SVIL: variants seen among roughly 807,000 people sequenced by gnomAD.
SVIL encodes supervillin, also known as archvillin.
SVIL carries 101 observed loss-of-function variants against 240.4 expected under a neutral mutation model. That is an observed-to-expected ratio of 0.42 (90% CI 0.36 to 0.50). The LOEUF is 0.50. Ranked by LOEUF, SVIL falls within the 20% of genes least tolerant of loss-of-function variation. The pLI is 0.01. For missense variants in SVIL, 2,512 were observed against 2,818.7 expected, an observed-to-expected ratio of 0.89 and a Z score of 2.46; for synonymous variants, 999 against 1,100.0, an observed-to-expected ratio of 0.91 and a Z score of 1.82.
chr10:29,611,045 C>T (rs1957226642), intron 1 of SVIL, among the ~76,000 whole-genome samples: 1 of 152,142 alleles, frequency 6.6e-6, no homozygotes, highest in African/African-American at 2.4e-5. Context: ...ACATGAATCA[C>T]CTTGATTTCT....
chr10:29,695,374 C>T (rs1367818446), intron 1 of SVIL, among the ~76,000 whole-genome samples: 1 of 152,132 alleles, frequency 6.6e-6, no homozygotes, highest in Non-Finnish European at 1.5e-5. Flanking sequence ...ACACTAAGTG[C>T]CCTGACTTCA....
upstream of SVIL, among the ~76,000 whole-genome samples, chr10:29,639,931 T>C (rs1048030592): frequency 3.9e-5 from 6 of 152,188 alleles, no homozygotes; most frequent in African/African-American, 1.4e-4. Context: ...GTCTAACTTA[T>C]GCTGGACTTT....
chr10:29,608,179 G>A (rs1281687499), intron 1 of SVIL, among the ~76,000 whole-genome samples: 1 of 152,150 alleles, frequency 6.6e-6, no homozygotes, highest in African/African-American at 2.4e-5. Flanking sequence ...CCTCACTCAT[G>A]GCCAGGCTGG....
chr10:29,655,974 G>T (rs996535461), intron 3 of SVIL, among the ~76,000 whole-genome samples: 10 of 150,808 alleles, frequency 6.6e-5, no homozygotes, highest in African/African-American at 2.4e-4. Context: ...CTGTTCAGGT[G>T]CTTCTCCTGC....
chr10:29,636,429 C>T (rs1048498256), upstream of SVIL, among the ~76,000 whole-genome samples: 1 of 152,200 alleles, frequency 6.6e-6, no homozygotes, highest in Non-Finnish European at 1.5e-5. Context: ...AAAAGATTCA[C>T]TCCCACAAAA....
At chr10:29,665,897 A>ACTCTCTGC (rs1959245557) in intron 2 of SVIL, among the ~76,000 whole-genome samples, 1 of 151,904 alleles carries the variant, frequency 6.6e-6, no homozygotes, top group Non-Finnish European at 1.5e-5. Flanking sequence ...CACTCTTCAT[A>ACTCTCTGC]CTCTCTGCCT....
In SVIL at chr10:29,524,657, C is replaced by A; in HGVS notation, c.2401G>T (p.Glu801Ter). Residue 801 changes from glutamate (E) to a stop codon, truncating the protein, a stop_gained, in exon 14 of 38, where the codon GAG becomes TAG. Transcript: ENST00000355867. LOFTEE classifies it high-confidence loss of function. ...LAKDQTNEGK[E>*]LAEQGEPDSS... ...TCAGGTTCTCCTTGCTCAGCAAGCT[C>A]TTTGCCCTCATTTGTCTGGTCCTTG... The A allele has an allele frequency of 6.2e-7, 1 of 1,614,194 alleles. No homozygotes were observed. Among genetic ancestry groups the A allele is most frequent in the Non-Finnish European group, 8.5e-7 (1 of 1,180,030 alleles).
In SVIL at chr10:29,499,242, T is replaced by C; in HGVS notation, c.3538A>G (p.Ser1180Gly). 1 of 1,614,168 alleles carries C rather than the reference T, an allele frequency of 6.2e-7. No individual in the cohort carries two copies. The highest frequency in any genetic ancestry group is 8.5e-7 in the Non-Finnish European group (1 of 1,180,022). ...TTCCTCTCCTCAATCGTCATTTGGC[T>C]CTCTCGACTTTCTGTGACCCGCTGT... ...IKKRVTESRESQMTIEERKQL... is the reference protein window; with the variant it reads ...IKKRVTESREGQMTIEERKQL... Residue 1180 changes from serine (S) to glycine (G), a missense_variant, in exon 18 of 38, where the codon AGC becomes GGC. Transcript: ENST00000355867.
At chr10:29,699,483 T>A (rs1274873069) in intron 1 of SVIL, among the ~76,000 whole-genome samples, 1 of 152,080 alleles carries the variant, frequency 6.6e-6, no homozygotes, top group Non-Finnish European at 1.5e-5. Flanking sequence ...TTGTATTTTT[T>A]AGTAGAGATG....
intron 1 of SVIL, among the ~76,000 whole-genome samples, chr10:29,622,763 G>A (rs548873916): frequency 9.8e-5 from 15 of 152,308 alleles, no homozygotes; most frequent in African/African-American, 2.6e-4. Context: ...CAAAGGACAC[G>A]TTGTCAACAG....
At chr10:29,487,500 G>A in intron 23 of SVIL, 2 of 599,982 alleles carry the variant, frequency 3.3e-6, no homozygotes, top group Non-Finnish European at 5.7e-6. Context: ...CCTGGTTTGT[G>A]CTTTCCCAAA....
chr10:29,596,992 G>T (rs572614597), intron 1 of SVIL, among the ~76,000 whole-genome samples: 135 of 152,268 alleles, frequency 8.9e-4, no homozygotes, highest in Non-Finnish European at 1.4e-3. Context: ...GCAGGAGAGG[G>T]CTCTCCCGCC....
At chr10:29,546,616 T>C (rs974233613) in intron 6 of SVIL, among the ~76,000 whole-genome samples, 1 of 152,216 alleles carries the variant, frequency 6.6e-6, no homozygotes, top group Non-Finnish European at 1.5e-5. Context: ...TAATGATTAT[T>C]CTGTATATAT....
chr10:29,509,531 T>G (rs1248152981), intron 17 of SVIL, among the ~76,000 whole-genome samples: 3 of 152,106 alleles, frequency 2.0e-5, no homozygotes, highest in Non-Finnish European at 2.9e-5. Flanking sequence ...TTCCCTGAGA[T>G]GTGCTTGATC....
intron 1 of SVIL, among the ~76,000 whole-genome samples, chr10:29,620,359 GGAGA>G (rs923998587): frequency 1.3e-5 from 2 of 151,858 alleles, no homozygotes; most frequent in African/African-American, 4.8e-5. Context: ...AGGGAAAGGG[GGAGA>G]GAGAGCAAAA....
intron 17 of SVIL, among the ~76,000 whole-genome samples, chr10:29,511,710 A>G (rs1294155874): frequency 6.6e-6 from 1 of 152,230 alleles, no homozygotes; most frequent in African/African-American, 2.4e-5. Context: ...TAGTTAAATC[A>G]TCTTTAACAC....
chr10:29,544,708 G>A (rs11592360), intron 6 of SVIL, among the ~76,000 whole-genome samples: 17,612 of 138,738 alleles, frequency 0.13, 1,192 homozygotes, highest in Admixed American at 0.16. Context: ...CAGTGAGATT[G>A]TGCTACTGCT....
chr10:29,677,445 C>G (rs999826008), intron 2 of SVIL, among the ~76,000 whole-genome samples: 1 of 152,166 alleles, frequency 6.6e-6, no homozygotes, highest in Non-Finnish European at 1.5e-5. Context: ...GGGTCTCACT[C>G]TTGCCCAGGC....
Position 29,663,682 on chromosome 10 carries a change from C to T in SVIL, c.-300-5614G>A, listed in dbSNP as rs552753077. On this transcript the variant is annotated intron_variant, in intron 2 of 35. Coordinates refer to the SVIL transcript ENST00000375400. ...GAGAGACGCCTATATTCCATATGGA[C>T]TTTTCCCTCTAAAATCAGACTCATT... Among the ~76,000 whole-genome samples, 12 of 152,324 alleles carry T rather than the reference C, an allele frequency of 7.9e-5. No homozygotes were observed. The East Asian group carries it at 2.3e-3, about 29-fold the overall frequency.
Sources: allele counts gnomAD v4.1 joint callset (sites outside exome capture counted in the v4.1 genomes callset), GRCh38; gene constraint gnomAD v4.1.1; transcripts MANE v1.5; gene names NCBI Gene and HGNC (gene_info 2026-07-23, HGNC 2026-07-21).